Variants in DPYD observed in about 807,000 individuals in gnomAD.
DPYD encodes the protein dihydropyrimidine dehydrogenase.
DPYD carries 109 observed loss-of-function variants against 116.2 expected under a neutral mutation model. The ratio of observed to expected loss-of-function variants is 0.94; its 90% confidence interval spans 0.80 to 1.10. The LOEUF (loss-of-function observed/expected upper bound fraction) is 1.10. DPYD is among the 50% of genes least tolerant of loss of function. The pLI is 0.00. For synonymous variants in DPYD, 440 were observed against 432.0 expected (o/e 1.02, Z -0.23); for missense variants, 1,302 against 1,254.5 (o/e 1.04, Z -0.57).
intron 20 of DPYD, among the ~76,000 whole-genome samples, chr1:97,189,736 G>C (rs1431100794): frequency 2.0e-5 from 3 of 152,132 alleles, no homozygotes; most frequent in African/African-American, 4.8e-5. Context: ...CAGATGTATG[G>C]ATTTAGAAAT....
chr1:97,721,017 C>T (rs145387307), intron 5 of DPYD: 2 of 1,501,558 alleles, frequency 1.3e-6, no homozygotes, highest in African/African-American at 2.8e-5. Context: ...TCTATAAGTT[C>T]ACAAAATCTA....
chr1:97,587,097 T>C (rs1015237129), intron 10 of DPYD, among the ~76,000 whole-genome samples: 5 of 152,230 alleles, frequency 3.3e-5, no homozygotes, highest in African/African-American at 4.8e-5. Context: ...AATTCCTTTT[T>C]GACTATTCCA....
intron 3 of DPYD, among the ~76,000 whole-genome samples, chr1:97,779,519 T>C (rs1666615062): frequency 6.6e-6 from 1 of 152,102 alleles, no homozygotes; most frequent in South Asian, 2.1e-4. Context: ...TCTTTTTGAG[T>C]ATCCACAGTA....
intron 4 of DPYD, among the ~76,000 whole-genome samples, chr1:97,726,301 C>T (rs926090123): frequency 6.6e-6 from 1 of 151,414 alleles, no homozygotes; most frequent in East Asian, 1.9e-4. Context: ...TAAAGAATAC[C>T]TTAGTATGAT....
intron 14 of DPYD, among the ~76,000 whole-genome samples, chr1:97,441,592 CATAAGGAAT>C (rs1675802462): frequency 6.6e-6 from 1 of 152,056 alleles, no homozygotes; most frequent in Non-Finnish European, 1.5e-5. Context: ...GCTTTTTGAA[CATAAGGAAT>C]ATAATTATAA....
At chr1:97,653,172 T>A (rs1048461256) in intron 8 of DPYD, among the ~76,000 whole-genome samples, 5 of 152,124 alleles carry the variant, frequency 3.3e-5, no homozygotes, top group Non-Finnish European at 5.9e-5. Flanking sequence ...ATGCCTAAAT[T>A]CTTTACCGAA....
At chr1:97,147,277 A>G (rs1422773107) in intron 20 of DPYD, among the ~76,000 whole-genome samples, 2 of 152,190 alleles carry the variant, frequency 1.3e-5, no homozygotes, top group African/African-American at 2.4e-5. Context: ...TGAACTCAGG[A>G]GGCAGAGATT....
chr1:97,191,595 C>G (rs1658371295), intron 20 of DPYD, among the ~76,000 whole-genome samples: 1 of 152,002 alleles, frequency 6.6e-6, no homozygotes, highest in South Asian at 2.1e-4. Context: ...TCATCATTAC[C>G]CATCTTTTAT....
chr1:97,917,028 C>G (rs1272343691), intron 1 of DPYD, among the ~76,000 whole-genome samples: 1 of 152,142 alleles, frequency 6.6e-6, no homozygotes, highest in East Asian at 1.9e-4. Flanking sequence ...CTATGGCCCA[C>G]AAAACAGCTT....
At chr1:97,586,210 A>G (rs1240539674) in intron 10 of DPYD, 1 of 152,294 alleles carries the variant, frequency 6.6e-6, no homozygotes, top group African/African-American at 2.4e-5. Flanking sequence ...AAAACCCACA[A>G]AAGATCCTTG....
chr1:97,606,737 T>C (rs1004226450), intron 8 of DPYD, among the ~76,000 whole-genome samples: 1 of 151,990 alleles, frequency 6.6e-6, no homozygotes, highest in Non-Finnish European at 1.5e-5. Context: ...AAGGACAAAT[T>C]GGTAGTAGTA....
chr1:97,094,587 G>A (rs1022879097), intron 21 of DPYD, among the ~76,000 whole-genome samples: 1 of 152,130 alleles, frequency 6.6e-6, no homozygotes, highest in African/African-American at 2.4e-5. Context: ...AGAGGACTCA[G>A]GAGGAAGAGC....
At chr1:97,769,345 T>C (rs1291791962) in intron 3 of DPYD, among the ~76,000 whole-genome samples, 2 of 152,132 alleles carry the variant, frequency 1.3e-5, no homozygotes, top group Non-Finnish European at 2.9e-5. Flanking sequence ...TTCTTTACCT[T>C]GAAAAAACAC....
At chr1:97,738,096 T>C (rs561046860) in intron 4 of DPYD, among the ~76,000 whole-genome samples, 20 of 152,288 alleles carry the variant, frequency 1.3e-4, no homozygotes, top group African/African-American at 4.8e-4. Flanking sequence ...TATATCTCTA[T>C]TGTTTTAAAT....
At chr1:97,763,172 T>A (rs552550533) in intron 3 of DPYD, among the ~76,000 whole-genome samples, 1 of 152,210 alleles carries the variant, frequency 6.6e-6, no homozygotes, top group South Asian at 2.1e-4. Flanking sequence ...AACTAATTTA[T>A]GGACACATCT....
At position 97,581,072 on chromosome 1, in the gene DPYD, A is replaced by G. The variant is rs149562614; in HGVS notation, c.1129-7102T>C. ...ATTAAAATTTGGCCTTTGGGAGGCC[A>G]AGGCAGGCAGATCACGAGGTCTGGA... On this transcript the variant is annotated intron_variant, in intron 10 of 22. Coordinates refer to ENST00000370192, the MANE Select transcript of DPYD (RefSeq NM_000110.4). 5.3e-3 allele frequency among the ~76,000 whole-genome samples: 804 copies of G among 152,116 alleles called. 8 individuals carry two copies. The highest frequency in any genetic ancestry group is 0.018 in the African/African-American group (763 of 41,514).
chr1:97,500,649 C>T (rs4520446), intron 13 of DPYD, among the ~76,000 whole-genome samples: 77,257 of 151,850 alleles, frequency 0.51, 19,968 homozygotes, highest in East Asian at 0.74. Context: ...ATACATGCCA[C>T]GCAAGCAGCA....
At chr1:97,193,310 AC>A in intron 19 of DPYD, 62 bp from the exon 20 acceptor site, 1 of 1,523,060 alleles carries the variant, frequency 6.6e-7, no homozygotes, top group Non-Finnish European at 9.0e-7. Flanking sequence ...AAACAAATTC[AC>A]TTTTCTTTGA....
chr1:97,499,322 T>C (rs1332829330), intron 13 of DPYD, among the ~76,000 whole-genome samples: 1 of 151,818 alleles, frequency 6.6e-6, no homozygotes, highest in Non-Finnish European at 1.5e-5. Context: ...ATGGAATGAA[T>C]ATAATTTTTC....
Sources: gnomAD v4.1 joint callset for allele counts (sites outside exome capture counted in the v4.1 genomes callset) on GRCh38, gnomAD v4.1.1 for gene constraint, MANE v1.5 for transcripts, NCBI Gene and HGNC (gene_info 2026-07-23, HGNC 2026-07-21) for gene names.